MLLT1: variants seen among roughly 807,000 people sequenced by gnomAD.
The protein encoded by MLLT1 is MLLT1 super elongation complex subunit.
In MLLT1, 11 loss-of-function variants were observed where a neutral mutation model predicts 55.1. The ratio of observed to expected loss-of-function variants is 0.20; its 90% CI spans 0.13 to 0.33. The LOEUF (loss-of-function observed/expected upper bound fraction) is 0.33, where lower values mean the gene tolerates loss of function less well. Among genes scored for constraint, MLLT1 ranks in the 10% least tolerant of loss-of-function variants. The pLI is 1.00. For missense variants in MLLT1, 536 were observed against 760.6 expected (o/e 0.70, Z 3.47); for synonymous variants, 323 against 320.1 (o/e 1.01, Z -0.10).
At chr19:6,275,880 G>C (rs1307979346) in intron 1 of MLLT1, among the ~76,000 whole-genome samples, 1 of 152,254 alleles carries the variant, frequency 6.6e-6, no homozygotes, top group Non-Finnish European at 1.5e-5. Context: ...GCCTGGGACA[G>C]AGTATTTACG....
At chr19:6,223,520 A>C (rs1236852733) in intron 5 of MLLT1, among the ~76,000 whole-genome samples, 1 of 152,070 alleles carries the variant, frequency 6.6e-6, no homozygotes, top group Non-Finnish European at 1.5e-5. Flanking sequence ...CCTGCACACC[A>C]CAGGACCCAG....
intron 5 of MLLT1, among the ~76,000 whole-genome samples, chr19:6,224,432 G>A (rs1375561537): frequency 6.6e-6 from 1 of 152,246 alleles, no homozygotes; most frequent in African/African-American, 2.4e-5. Flanking sequence ...AAGGAGGGAG[G>A]TGTGAGAGAC....
Position 6,213,665 on chromosome 19 carries a change from C to T in MLLT1, c.1479+61G>A. The stretch of plus-strand genomic sequence containing the variant: ...GGGGGGCTCTGGGGTCCTCCACTGG[C>T]TGCAACTCCCACCACCCACCCCTCC... On this transcript the variant is annotated intron_variant, in intron 10 of 11. Transcript: ENST00000252674. The T allele has an allele frequency of 1.0e-5, 15 of 1,435,154 alleles. No homozygotes were observed. In the South Asian group the frequency reaches 1.7e-4, roughly 17 times the overall value. 88.9% of individuals were successfully genotyped at this position (1,435,154 alleles called of 1,614,324 possible).
chr19:6,214,913 C>T (rs1246552764), intron 8 of MLLT1, among the ~76,000 whole-genome samples: 2 of 151,566 alleles, frequency 1.3e-5, no homozygotes, highest in Non-Finnish European at 2.9e-5. Flanking sequence ...GCGCAGGCTC[C>T]GTTCATCTCT....
intron 3 of MLLT1, among the ~76,000 whole-genome samples, chr19:6,258,478 G>A (rs75158500): frequency 0.034 from 5,155 of 152,240 alleles, 97 homozygotes; most frequent in Middle Eastern, 0.088. Flanking sequence ...GTCTTGCTTC[G>A]GAAAAACTTC....
In MLLT1 at chr19:6,222,534, G is replaced by A. The variant is rs2090912320; in HGVS notation, c.697C>T (p.Leu233=). 1 of 1,600,612 alleles carries A rather than the reference G, an allele frequency of 6.2e-7. No individual in the cohort carries two copies. Among genetic ancestry groups the A allele is most frequent in the South Asian group, 1.1e-5 (1 of 91,058 alleles). ...TCCTTGGGCAGCCGGCCCTCGCCCA[G>A]CTTCCGCGAGGTGTCCTTGGAGCTT... ...AKSSKDTSRK[L]GEGRLPKEEK... The change falls in exon 6 of 12, where the codon CTG becomes TTG. Residue 233 remains leucine, a synonymous_variant. Transcript: ENST00000252674. This position sits in a 1 kb window ranked among gnomAD's most constrained non-coding sequence, Gnocchi z 4.1.
In MLLT1 at chr19:6,270,454, C is replaced by T. The variant is rs184262711; in HGVS notation, c.193+125G>A. 7.9e-5 allele frequency: 81 copies of T among 1,030,240 alleles called. No homozygotes were observed. In the East Asian group the frequency reaches 1.5e-3, roughly 19 times the overall value. The allele number at this position is 1,030,240 out of a possible 1,614,324, so 63.8% of individuals were successfully genotyped here. A position where few individuals can be genotyped will look rare whatever the true frequency, so the allele number is the denominator to read the frequency against. ...GCTCCAGTGCCCCCACGCCGAGGGA[C>T]GCAAGCTGGAACCTCATGGTTGGAG... On this transcript the variant is annotated intron_variant, in intron 2 of 11. Coordinates refer to ENST00000252674, the MANE Select transcript of MLLT1 (RefSeq NM_005934.4). This position sits in a 1 kb window ranked among gnomAD's most constrained non-coding sequence, Gnocchi z 7.1.
chr19:6,224,117 C>CA (rs940027753), intron 5 of MLLT1, among the ~76,000 whole-genome samples: 24 of 152,192 alleles, frequency 1.6e-4, no homozygotes, highest in Admixed American at 3.3e-4. Context: ...CTCCTCCCAG[C>CA]AAAAAACCAC....
intron 2 of MLLT1, among the ~76,000 whole-genome samples, chr19:6,269,239 G>A (rs1343141634): frequency 1.3e-5 from 2 of 152,260 alleles, no homozygotes; most frequent in Non-Finnish European, 1.5e-5. Context: ...TGCCCACCCT[G>A]CTCTAAGCAC....
chr19:6,263,685 A>C (rs1226092471), intron 2 of MLLT1, among the ~76,000 whole-genome samples: 1 of 152,234 alleles, frequency 6.6e-6, no homozygotes, highest in Non-Finnish European at 1.5e-5. Context: ...AGGAAGCAAG[A>C]GGACAGGAAT....
intron 3 of MLLT1, among the ~76,000 whole-genome samples, chr19:6,249,190 T>C (rs1037743590): frequency 2.0e-5 from 3 of 152,188 alleles, no homozygotes; most frequent in African/African-American, 7.2e-5. Context: ...TTAAAAAATA[T>C]TGATTACATG....
chr19:6,212,821 G>T lies in MLLT1; in HGVS notation c.*221C>A. On this transcript the variant is annotated 3_prime_UTR_variant, in exon 12 of 12. Coordinates refer to ENST00000252674, the MANE Select transcript of MLLT1 (RefSeq NM_005934.4). ...TGAGGGGAGCCCAGAGAGCCCGGGG[G>T]GCGGCTCCCGTGTGGCCCAGCCCGG... 1.1e-6 allele frequency: 1 copy of T among 891,496 alleles called. No homozygotes were observed. The highest frequency in any genetic ancestry group is 1.6e-6 in the Non-Finnish European group (1 of 638,092). 55.2% of individuals were successfully genotyped at this position (891,496 alleles called of 1,614,324 possible).
chr19:6,259,807 A>AAAAAAAAAAC (rs2091287748), intron 3 of MLLT1: 1 of 151,292 alleles, frequency 6.6e-6, no homozygotes, highest in Non-Finnish European at 1.5e-5. Context: ...CTTAAAAAAA[A>AAAAAAAAAAC]AAAAAAAAAA....
intron 8 of MLLT1, among the ~76,000 whole-genome samples, chr19:6,215,434 TGTCGGA>T (rs1054506968): frequency 2.0e-5 from 3 of 152,178 alleles, no homozygotes; most frequent in African/African-American, 7.2e-5. Context: ...TCTAAGTCCC[TGTCGGA>T]GTCGTGGGCC....
intron 3 of MLLT1, among the ~76,000 whole-genome samples, chr19:6,242,425 C>T (rs1044702775): frequency 2.0e-5 from 3 of 152,192 alleles, no homozygotes; most frequent in Admixed American, 2.0e-4. Context: ...CCTGTGCCCT[C>T]GGACATCTGC....
intron 2 of MLLT1, among the ~76,000 whole-genome samples, chr19:6,267,549 G>A (rs574747767): frequency 6.6e-6 from 1 of 152,092 alleles, no homozygotes; most frequent in Non-Finnish European, 1.5e-5. Flanking sequence ...CTAAAATAGG[G>A]CCAAATTTTA....
intron 3 of MLLT1, among the ~76,000 whole-genome samples, chr19:6,260,232 C>T (rs2091292657): frequency 6.6e-6 from 1 of 152,194 alleles, no homozygotes; most frequent in African/African-American, 2.4e-5. Context: ...AGTGACAATC[C>T]TATGGTCAAA....
chr19:6,213,568 C>A (rs1310569244), intron 10 of MLLT1, among the ~76,000 whole-genome samples, 158 bp downstream of exon 10: 1 of 152,150 alleles, frequency 6.6e-6, no homozygotes, highest in Non-Finnish European at 1.5e-5. Flanking sequence ...CCCCTCAGCT[C>A]CAAGGCCACA....
Position 6,212,041 on chromosome 19 carries a change from C to T in MLLT1, c.*1001G>A, listed in dbSNP as rs748137429. 206 of 1,065,904 alleles carry T rather than the reference C, an allele frequency of 1.9e-4. No individual in the cohort carries two copies. Among genetic ancestry groups the T allele is most frequent in the Non-Finnish European group, 2.2e-4 (191 of 879,400 alleles). 66.0% of individuals were successfully genotyped at this position (1,065,904 alleles called of 1,614,324 possible). On this transcript the variant is annotated 3_prime_UTR_variant, in exon 12 of 12. Coordinates refer to ENST00000252674, the MANE Select transcript of MLLT1 (RefSeq NM_005934.4). ...CCTCAGAAAACTCCATAAACTATCCCGTCTTATTTGGCAAAAGCTCATATT... is the reference window on the plus strand; with the variant it reads ...CCTCAGAAAACTCCATAAACTATCCTGTCTTATTTGGCAAAAGCTCATATT...
Sources: allele counts gnomAD v4.1 joint callset (sites outside exome capture counted in the v4.1 genomes callset), GRCh38; gene constraint gnomAD v4.1.1; non-coding constraint Gnocchi (gnomAD v3.1); transcripts MANE v1.5; gene names NCBI Gene and HGNC (gene_info 2026-07-23, HGNC 2026-07-21).